PIEZO1: variants seen among roughly 807,000 people sequenced by gnomAD.
PIEZO1 encodes piezo type mechanosensitive ion channel component 1 (Er blood group).
In PIEZO1, 296 loss-of-function variants were observed where a neutral mutation model predicts 297.2. The observed-to-expected ratio is 1.00, with a 90% CI of 0.91 to 1.10. The LOEUF is 1.10. PIEZO1 is among the 50% of genes least tolerant of loss of function. PIEZO1 has a pLI of 0.00. For missense variants in PIEZO1, 5,018 were observed against 3,455.5 expected (o/e 1.45, Z -11.34); for synonymous variants, 2,427 against 1,507.5 (o/e 1.61, Z -14.13).
Position 88,737,951 on chromosome 16 carries a change from A to T in PIEZO1, c.1003T>A (p.Tyr335Asn). The change falls in exon 8 of 51, where the codon TAC becomes AAC. Residue 335 changes from tyrosine (Y) to asparagine (N), a missense_variant. Physicochemically the swap from Tyr to Asn is moderately radical, Grantham distance 143 (BLOSUM62 -2). Transcript: ENST00000301015. Reference protein sequence around the residue: ...ATASLRKLRAYRPSGQRKEAA... With the variant: ...ATASLRKLRANRPSGQRKEAA... ...GTGCTCACCTGGCCGGAGGGGCGGT[A>T]CGCGCGGAGCTTGCGCAGAGAGGCC... The T allele has an allele frequency of 6.5e-7, 1 of 1,530,976 alleles. No homozygotes were observed. The highest frequency in any genetic ancestry group is 8.7e-7 in the Non-Finnish European group (1 of 1,143,728). The allele number at this position is 1,530,976 out of a possible 1,614,324, so 94.8% of individuals were successfully genotyped here. A position where few individuals can be genotyped will look rare whatever the true frequency, so the allele number is the denominator to read the frequency against.
In PIEZO1 at chr16:88,715,824, C is replaced by G. The variant is rs1005606417; in HGVS notation, c.7347G>C (p.Leu2449=). ...GIMGLYVSIV[L]VIGKFVRGFF... ...ATCCGCGCACGAACTTGCCGATGAC[C>G]AGCACGATGGACACGTACAGCCCCA... is the stretch of plus-strand genomic sequence containing the variant. The change falls in exon 51 of 51, where the codon CTG becomes CTC. Residue 2449 remains leucine, a synonymous_variant. Coordinates refer to ENST00000301015, the MANE Select transcript of PIEZO1 (RefSeq NM_001142864.4). 1 of 1,550,166 alleles carries G rather than the reference C, an allele frequency of 6.5e-7. No homozygotes were observed. Among genetic ancestry groups the G allele is most frequent in the African/African-American group, 1.4e-5 (1 of 73,058 alleles).
At chr16:88,779,083 C>G (rs1303456818) in intron 1 of PIEZO1, among the ~76,000 whole-genome samples, 6 of 151,744 alleles carry the variant, frequency 4.0e-5, no homozygotes, top group Admixed American at 1.3e-4. Context: ...CCCCAAGCCC[C>G]CAAGCTGGAG....
rs6500495 is a variant in PIEZO1, at chr16:88,742,335, A to G, written c.248T>C (p.Ile83Thr). Residue 83 changes from isoleucine to threonine, a missense_variant, in exon 3 of 51, where the codon ATT (isoleucine) becomes ACT (threonine). Ile to Thr is a moderately conservative substitution (Grantham distance 89). Coordinates refer to ENST00000301015, the MANE Select transcript of PIEZO1 (RefSeq NM_001142864.4). ...AHLALQICLH[I>T]VPRLDQLLGP... ...CAGGAGCTGGTCCAGGCGGGGCACA[A>G]TATGCAGGCAGATCTGGAGGGCGAG... The G allele has an allele frequency of 0.88, 1,349,199 of 1,535,260 alleles. 593,299 individuals carry two copies. The highest frequency in any genetic ancestry group is 0.95 in the East Asian group (39,040 of 40,912).
At position 88,715,680 on chromosome 16, in the gene PIEZO1, C is replaced by T; in HGVS notation, c.7491G>A (p.Glu2497=). ...VRETRELELE[E]ELYAKLIFLY... ...GGAAGATGAGCTTGGCGTACAACTC[C>T]TCCTCCAGCTCCAGCTCCCGAGTCT... Residue 2497 remains glutamate (E), a synonymous_variant, in exon 51 of 51, where the codon GAG becomes GAA. Coordinates refer to ENST00000301015, the MANE Select transcript of PIEZO1 (RefSeq NM_001142864.4). 1 of 1,550,378 alleles carries T rather than the reference C, an allele frequency of 6.5e-7. No homozygotes were observed. Among genetic ancestry groups the T allele is most frequent in the Non-Finnish European group, 8.7e-7 (1 of 1,146,958 alleles).
At chr16:88,741,914 G>A (rs539375766) in intron 4 of PIEZO1, 139 bp downstream of exon 4, 3 of 810,320 alleles carry the variant, frequency 3.7e-6, no homozygotes, top group Admixed American at 4.8e-5. Flanking sequence ...GGGTGGGAGC[G>A]TGGATGGGTC....
At chr16:88,743,114 C>T (rs1481802038) in intron 2 of PIEZO1, 1 of 456,434 alleles carries the variant, frequency 2.2e-6, no homozygotes, top group Non-Finnish European at 4.4e-6. Flanking sequence ...TGCCTGGCAG[C>T]CTTGTCCTGC....
intron 22 of PIEZO1, among the ~76,000 whole-genome samples, chr16:88,730,538 C>T (rs1904730855): frequency 7.2e-6 from 1 of 139,666 alleles, no homozygotes; most frequent in African/African-American, 2.7e-5. Context: ...GCGGAGGCTG[C>T]AGTGAGCCGA....
intron 1 of PIEZO1, among the ~76,000 whole-genome samples, chr16:88,761,426 G>A (rs1906926850): frequency 1.3e-5 from 2 of 152,230 alleles, no homozygotes; most frequent in African/African-American, 4.8e-5. Context: ...TGCAGGGCAC[G>A]ATGGTGCTGA....
Position 88,715,383 on chromosome 16 carries a change from A to AG in PIEZO1, c.*221_*222insC. On this transcript the variant is annotated 3_prime_UTR_variant, in exon 51 of 51. Transcript: ENST00000301015. ...AATAAAACATTTTTTAATTAAAAAA[A>AG]AAACTCTACAGTACACGTGGGGGAC... 1 of 1,121,312 alleles carries AG rather than the reference A, an allele frequency of 8.9e-7. No homozygotes were observed. The highest frequency in any genetic ancestry group is 1.6e-5 in the South Asian group (1 of 63,924). 69.5% of individuals were successfully genotyped at this position (1,121,312 alleles called of 1,614,324 possible).
intron 16 of PIEZO1, 116 bp from the exon 17 acceptor site, chr16:88,734,170 G>C: frequency 7.4e-7 from 1 of 1,343,574 alleles, no homozygotes; most frequent in Non-Finnish European, 1.0e-6. Flanking sequence ...CAGGTGCACA[G>C]CTGTGTCGCA....
chr16:88,719,824 G>A lies in PIEZO1; in HGVS notation c.6301C>T (p.Leu2101Phe). The A allele has an allele frequency of 3.9e-6, 6 of 1,550,608 alleles. No individual in the cohort carries two copies. The highest frequency in any genetic ancestry group is 1.7e-4 in the Middle Eastern group (1 of 5,992). ...GNFLTKKYNH[L>F]NLFLFQGFRL... Reference sequence around the variant, plus strand: ...CACCCCTGGAAGAGGAAGAGGTTGAGATGATTGTACTTCTTGGTGAGGAAG... The same window carrying A: ...CACCCCTGGAAGAGGAAGAGGTTGAAATGATTGTACTTCTTGGTGAGGAAG... Residue 2101 changes from leucine (L) to phenylalanine (F), a missense_variant, in exon 43 of 51, where the codon CTC (leucine) becomes TTC (phenylalanine). Transcript: ENST00000301015.
Position 88,725,677 on chromosome 16 carries a change from C to A in PIEZO1, c.3976G>T (p.Ala1326Ser), listed in dbSNP as rs763023161. The A allele has an allele frequency of 1.9e-6, 3 of 1,540,940 alleles. No homozygotes were observed. Among genetic ancestry groups the A allele is most frequent in the East Asian group, 2.4e-5 (1 of 40,860 alleles). ...TTGAGGTTGGCAGCGTTGTAGAGGG[C>A]GAAGCCCCTGTAGGGAGGCGGGGAT... ...ATALLASRGF[A>S]LYNAANLKSI... Residue 1326 changes from alanine to serine, a missense_variant, in exon 28 of 51, where the codon GCC becomes TCC. Transcript: ENST00000301015.
rs1405853384 is a variant in PIEZO1 at position 88,721,437 on chromosome 16, G to A, written c.5404-7C>T. On this transcript the variant is annotated splice_polypyrimidine_tract_variant and splice_region_variant and intron_variant, in intron 38 of 50. Coordinates refer to ENST00000301015, the MANE Select transcript of PIEZO1 (RefSeq NM_001142864.4). ...GGTCCCAGAGGCCATAGCACTGAGG[G>A]GCGGGAGGGTGTGGTGAGGGGGCCT... 3.9e-6 allele frequency: 6 copies of A among 1,544,276 alleles called. No individual in the cohort carries two copies. The African/African-American group carries it at 5.5e-5, about 14-fold the overall frequency.
Position 88,716,225 on chromosome 16 carries a change from C to T in PIEZO1, c.7102G>A (p.Ala2368Thr), listed in dbSNP as rs753588420. ...KYIRAPNGPE[A>T]NPVKQLQPNE... Reference sequence around the variant, plus strand: ...GGCTGCAGCTGCTTCACAGGGTTGGCTTCGGGCCCGTTGGGGGCACGGATG... The same window carrying T: ...GGCTGCAGCTGCTTCACAGGGTTGGTTTCGGGCCCGTTGGGGGCACGGATG... Residue 2368 changes from alanine (A) to threonine (T), a missense_variant, in exon 49 of 51, where the codon GCC (alanine) becomes ACC (threonine). Ala to Thr is a moderately conservative substitution (Grantham distance 58, BLOSUM62 0). Coordinates refer to ENST00000301015, the MANE Select transcript of PIEZO1 (RefSeq NM_001142864.4). 2 of 1,497,936 alleles carry T rather than the reference C, an allele frequency of 1.3e-6. No homozygotes were observed. The highest frequency in any genetic ancestry group is 2.2e-5 in the Admixed American group (1 of 46,020). 92.8% of individuals were successfully genotyped at this position (1,497,936 alleles called of 1,614,324 possible). A position where few individuals can be genotyped will look rare whatever the true frequency, so the allele number is the denominator to read the frequency against.
intron 5 of PIEZO1, 68 bp downstream of exon 5, chr16:88,741,410 C>G: frequency 1.5e-6 from 2 of 1,352,258 alleles, no homozygotes; most frequent in Non-Finnish European, 2.0e-6. Flanking sequence ...TAAAATAACC[C>G]TCAAAATGGC....
In PIEZO1 at chr16:88,720,507, G is replaced by T; in HGVS notation, c.5827C>A (p.Arg1943=). Residue 1943 remains arginine, a synonymous_variant, in exon 41 of 51, where the codon CGG becomes AGG. Transcript: ENST00000301015. ...TGCAGGATGTCGTGGAAGAAGCGCC[G>T]TAGCGGCCGATATGTGCCCTGGGCC... The part of the protein sequence containing the change: ...SLAQGTYRPL[R]RFFHDILHTK... The T allele has an allele frequency of 1.3e-6, 2 of 1,550,214 alleles. No homozygotes were observed. The highest frequency in any genetic ancestry group is 1.7e-6 in the Non-Finnish European group (2 of 1,146,960).
At position 88,720,475 on chromosome 16, in the gene PIEZO1, C is replaced by G. The variant is rs1167444880; in HGVS notation, c.5859G>C (p.Lys1953Asn). ...RRFFHDILHT[K>N]YRAATDVYAL... ...CATAGACGTCGGTGGCTGCGCGGTA[C>G]TTGGTGTGCAGGATGTCGTGGAAGA... The change falls in exon 41 of 51, where the codon AAG becomes AAC. Residue 1953 changes from lysine (K) to asparagine (N), a missense_variant. Coordinates refer to ENST00000301015, the MANE Select transcript of PIEZO1 (RefSeq NM_001142864.4). 1.3e-6 allele frequency: 2 copies of G among 1,550,444 alleles called. No homozygotes were observed. Among genetic ancestry groups the G allele is most frequent in the East Asian group, 4.9e-5 (2 of 40,914 alleles).
intron 12 of PIEZO1, 52 bp downstream of exon 12, chr16:88,736,096 C>A: frequency 1.3e-6 from 2 of 1,491,364 alleles, no homozygotes; most frequent in South Asian, 1.3e-5. Flanking sequence ...GGACGACAAC[C>A]CTGATGGGTC....
rs950497712 is a variant in PIEZO1, at chr16:88,737,796, C to A, written c.1039G>T (p.Gly347Trp). The A allele has an allele frequency of 3.9e-6, 6 of 1,535,740 alleles. No homozygotes were observed. The African/African-American group carries it at 6.8e-5, about 18-fold the overall frequency. The change falls in exon 9 of 51, where the codon GGG becomes TGG. Residue 347 changes from glycine (G) to tryptophan (W), a missense_variant. Physicochemically the swap from Gly to Trp is radical, Grantham distance 184. Transcript: ENST00000301015. The stretch of plus-strand genomic sequence containing the variant: ...AGCTCCAGCTCCCGAGCCTCATACC[C>A]CTTTGCCGCCTCCTTCCTCTGCAGA... ...PSGQRKEAAKGYEARELELAE... is the reference protein window; with the variant it reads ...PSGQRKEAAKWYEARELELAE...
Sources: gnomAD v4.1 joint callset for allele counts (sites outside exome capture counted in the v4.1 genomes callset) on GRCh38, gnomAD v4.1.1 for gene constraint, MANE v1.5 for transcripts, NCBI Gene and HGNC (gene_info 2026-07-23, HGNC 2026-07-21) for gene names.